MAGI3: variants seen among roughly 807,000 people sequenced by gnomAD.
MAGI3 encodes membrane-associated guanylate kinase, WW and PDZ domain-containing protein 3.
Under a neutral mutation model 121.8 loss-of-function variants are expected in MAGI3, and 43 were observed. The ratio of observed to expected loss-of-function variants is 0.35; its 90% CI spans 0.28 to 0.46. MAGI3 has a LOEUF of 0.46. Ranked by LOEUF, MAGI3 falls within the 20% of genes least tolerant of loss-of-function variation. The probability of loss-of-function intolerance (pLI) is 1.00; values close to 1 mark genes in which losing one functional copy is unlikely to be tolerated. For missense variants in MAGI3, 1,547 were observed against 1,797.3 expected (o/e 0.86, Z 2.52); for synonymous variants, 553 against 639.3 (o/e 0.86, Z 2.04).
chr1:113,446,849 T>C (rs1654200839), intron 1 of MAGI3, among the ~76,000 whole-genome samples: 2 of 152,210 alleles, frequency 1.3e-5, no homozygotes, highest in South Asian at 4.1e-4. Flanking sequence ...ATCTGACATA[T>C]GCCACAACAT....
intron 9 of MAGI3, among the ~76,000 whole-genome samples, chr1:113,640,944 AT>A (rs1178856483): frequency 1.5e-5 from 2 of 135,476 alleles, no homozygotes; most frequent in Non-Finnish European, 3.1e-5. Flanking sequence ...ATATATATAA[AT>A]ATATATAATA....
chr1:113,428,742 G>A (rs1167637241), intron 1 of MAGI3, among the ~76,000 whole-genome samples: 1 of 152,160 alleles, frequency 6.6e-6, no homozygotes, highest in Non-Finnish European at 1.5e-5. Flanking sequence ...AATTTAACAT[G>A]TGTGGCACGT....
chr1:113,515,168 AT>A lies in MAGI3; in HGVS notation c.317-34337del, dbSNP rs869036926. ...TCTTGAGTAAAAATGGTAAAAAAAA[AT>A]TTTTTTTTTGATCTCACGGCAGCAA... On this transcript the variant is annotated intron_variant, in intron 1 of 20. Coordinates refer to ENST00000307546, the MANE Select transcript of MAGI3 (RefSeq NM_001142782.2). 1.7e-3 allele frequency among the ~76,000 whole-genome samples: 254 copies of A among 150,618 alleles called. 1 individual carries two copies. The highest frequency in any genetic ancestry group is 6.8e-3 in the Middle Eastern group (2 of 294).
intron 4 of MAGI3, among the ~76,000 whole-genome samples, chr1:113,589,118 T>G (rs1217237): frequency 0.75 from 114,542 of 151,802 alleles, 43,905 homozygotes; most frequent in African/African-American, 0.84. Flanking sequence ...GGGCACAGTT[T>G]CTGTGTAGAT....
intron 1 of MAGI3, among the ~76,000 whole-genome samples, chr1:113,442,259 AT>A (rs1475408037): frequency 6.6e-6 from 1 of 152,190 alleles, no homozygotes; most frequent in Non-Finnish European, 1.5e-5. Context: ...GGCAGAAGAT[AT>A]GTTGAGAAGC....
At chr1:113,634,713 T>C (rs1275675215) in intron 9 of MAGI3, among the ~76,000 whole-genome samples, 5 of 152,156 alleles carry the variant, frequency 3.3e-5, no homozygotes, top group Non-Finnish European at 7.4e-5. Context: ...CTTGGCAATG[T>C]GGGCTTTTTT....
At chr1:113,431,371 T>C (rs1246842648) in intron 1 of MAGI3, among the ~76,000 whole-genome samples, 1 of 152,136 alleles carries the variant, frequency 6.6e-6, no homozygotes, top group Admixed American at 6.5e-5. Flanking sequence ...TTATTTAAAA[T>C]ATATCTTCAG....
chr1:113,535,858 G>A (rs571993349), intron 1 of MAGI3, among the ~76,000 whole-genome samples: 1 of 152,044 alleles, frequency 6.6e-6, no homozygotes, highest in Non-Finnish European at 1.5e-5. Flanking sequence ...CAAGGTGTCC[G>A]TCTCACCAAC....
chr1:113,415,848 T>G (rs1020370511), intron 1 of MAGI3, among the ~76,000 whole-genome samples: 1 of 151,938 alleles, frequency 6.6e-6, no homozygotes, highest in African/African-American at 2.4e-5. Context: ...TTTAAATGAG[T>G]GCGTTTTATA....
At chr1:113,584,309 T>A (rs1442333257) in intron 3 of MAGI3, among the ~76,000 whole-genome samples, 1 of 152,190 alleles carries the variant, frequency 6.6e-6, no homozygotes, top group Non-Finnish European at 1.5e-5. Flanking sequence ...CCCATATTAT[T>A]TGGCGGCCTA....
chr1:113,555,608 A>G lies in MAGI3; in HGVS notation c.433+5977A>G, dbSNP rs530040929. 2.0e-5 allele frequency among the ~76,000 whole-genome samples: 3 copies of G among 152,290 alleles called. No individual in the cohort carries two copies. The East Asian group carries it at 5.8e-4, about 29-fold the overall frequency. ...GATAGATTTAAGAGGATTTAGACTT[A>G]AATCATATGAAACATGTTATCTAGC... On this transcript the variant is annotated intron_variant, in intron 2 of 20. Coordinates refer to ENST00000307546, the MANE Select transcript of MAGI3 (RefSeq NM_001142782.2).
chr1:113,470,536 A>T (rs987764923), intron 1 of MAGI3, among the ~76,000 whole-genome samples: 1 of 151,094 alleles, frequency 6.6e-6, no homozygotes, highest in Non-Finnish European at 1.5e-5. Flanking sequence ...TAACTATATT[A>T]AAAAAAAATT....
chr1:113,660,278 C>T (rs1553214824), intron 16 of MAGI3, among the ~76,000 whole-genome samples: 1 of 152,172 alleles, frequency 6.6e-6, no homozygotes, highest in Non-Finnish European at 1.5e-5. Flanking sequence ...TTCCCTTCTC[C>T]ATTCTGTTCC....
chr1:113,540,215 A>C (rs1470561100), intron 1 of MAGI3, among the ~76,000 whole-genome samples: 1 of 152,220 alleles, frequency 6.6e-6, no homozygotes, highest in Non-Finnish European at 1.5e-5. Context: ...TATAACAATC[A>C]CATTATTTAA....
intron 1 of MAGI3, among the ~76,000 whole-genome samples, chr1:113,529,630 A>G (rs755366241): frequency 6.6e-6 from 1 of 152,164 alleles, no homozygotes; most frequent in Non-Finnish European, 1.5e-5. Context: ...TTTTTCTTCT[A>G]TACTGGATGT....
chr1:113,491,314 G>A (rs1193114718), intron 1 of MAGI3, among the ~76,000 whole-genome samples: 2 of 152,124 alleles, frequency 1.3e-5, no homozygotes, highest in Non-Finnish European at 2.9e-5. Flanking sequence ...AATAAAAGAA[G>A]TTCTTTGAAA....
chr1:113,417,189 G>A (rs1042881427), intron 1 of MAGI3, among the ~76,000 whole-genome samples: 1 of 151,862 alleles, frequency 6.6e-6, no homozygotes, highest in South Asian at 2.1e-4. Context: ...AATGTATAGA[G>A]TCATATAATC....
At chr1:113,620,590 T>G (rs1005128712) in intron 8 of MAGI3, among the ~76,000 whole-genome samples, 1 of 152,186 alleles carries the variant, frequency 6.6e-6, no homozygotes, top group Non-Finnish European at 1.5e-5. Flanking sequence ...TTAGCAAACA[T>G]TTTGAGTTTA....
rs11447632 is a variant in MAGI3 at position 113,678,113 on chromosome 1, GTTT to G, written c.3190-3075_3190-3073del. Among the ~76,000 whole-genome samples, 747 of 147,486 alleles carry G rather than the reference GTTT, an allele frequency of 5.1e-3. 8 individuals carry two copies. The highest frequency in any genetic ancestry group is 0.016 in the African/African-American group (657 of 40,652). On this transcript the variant is annotated intron_variant, in intron 19 of 20. Coordinates refer to ENST00000307546, the MANE Select transcript of MAGI3 (RefSeq NM_001142782.2). ...GTCTGTTCAATTACAAGTTTTTGTT[GTTT>G]TTTTTTTTTGCAGTTTATTGCAGGA... is the stretch of plus-strand genomic sequence containing the variant.
Sources: gnomAD v4.1 joint callset for allele counts (sites outside exome capture counted in the v4.1 genomes callset) on GRCh38, gnomAD v4.1.1 for gene constraint, MANE v1.5 for transcripts, NCBI Gene and HGNC (gene_info 2026-07-23, HGNC 2026-07-21) for gene names.